Variants in VPS13C observed in about 807,000 individuals in gnomAD.
VPS13C encodes vacuolar protein sorting 13 homolog C.
In VPS13C, 358 loss-of-function variants were observed where a neutral mutation model predicts 456.8. That is an observed-to-expected ratio of 0.78 (90% confidence interval 0.72 to 0.86). The LOEUF is 0.86. Among genes scored for constraint, VPS13C ranks in the 40% least tolerant of loss-of-function variants. VPS13C has a pLI of 0.00. For missense variants in VPS13C, 4,818 were observed against 4,385.4 expected, an observed-to-expected ratio of 1.10 and a Z score of -2.79; for synonymous variants, 1,578 against 1,486.7, an observed-to-expected ratio of 1.06 and a Z score of -1.41.
At chr15:61,964,560 G>A (rs2045320392) in intron 31 of VPS13C, 139 bp downstream of exon 31, 3 of 777,298 alleles carry the variant, frequency 3.9e-6, no homozygotes, top group Non-Finnish European at 5.9e-6. Flanking sequence ...TATACATCAG[G>A]TGCTCGCATA....
intron 66 of VPS13C, 37 bp downstream of exon 66, chr15:61,907,227 G>A: frequency 6.2e-7 from 1 of 1,612,400 alleles, no homozygotes; most frequent in Admixed American, 1.7e-5. Flanking sequence ...TTCACTGTCA[G>A]GTAACTCATA....
intron 62 of VPS13C, among the ~76,000 whole-genome samples, chr15:61,912,357 A>G (rs1185595964): frequency 6.6e-6 from 1 of 152,186 alleles, no homozygotes; most frequent in East Asian, 1.9e-4. Context: ...AAAATTTTGA[A>G]GTAGTAATAA....
chr15:61,872,118 A>C (rs1237052682), intron 78 of VPS13C, 84 bp from the exon 79 acceptor site: 1 of 1,073,576 alleles, frequency 9.3e-7, no homozygotes, highest in African/African-American at 1.6e-5. Context: ...CTACAGACAT[A>C]CTGGAAATAA....
At chr15:61,918,038 T>C (rs2043528451) in intron 59 of VPS13C, 98 bp downstream of exon 59, 1 of 1,283,138 alleles carries the variant, frequency 7.8e-7, no homozygotes, top group South Asian at 1.6e-5. Context: ...AAACTGGCTT[T>C]TACTGATCTT....
intron 47 of VPS13C, among the ~76,000 whole-genome samples, chr15:61,937,467 G>GTTTAT (rs1046374591): frequency 6.6e-6 from 1 of 151,982 alleles, no homozygotes; most frequent in African/African-American, 2.4e-5. Flanking sequence ...CTTAACTCAA[G>GTTTAT]TTTCTTTTCT....
At chr15:62,019,584 T>C (rs2140558749) in intron 9 of VPS13C, among the ~76,000 whole-genome samples, 1 of 152,286 alleles carries the variant, frequency 6.6e-6, no homozygotes, top group East Asian at 1.9e-4. Flanking sequence ...TCAGTTTCCA[T>C]GTAGTTGAGT....
At chr15:62,041,697 G>A (rs1428095735) in intron 2 of VPS13C, among the ~76,000 whole-genome samples, 7 of 152,018 alleles carry the variant, frequency 4.6e-5, no homozygotes, top group African/African-American at 1.7e-4. Context: ...GCAGGTGCCT[G>A]TAATCCTAGC....
chr15:61,910,441 C>A, intron 63 of VPS13C, 136 bp from the exon 64 acceptor site: 4 of 537,614 alleles, frequency 7.4e-6, no homozygotes, highest in Non-Finnish European at 1.1e-5. Context: ...ATGTCCTCTA[C>A]ATCTCATAGT....
Position 61,884,123 on chromosome 15 carries a change from T to C in VPS13C, c.9483+5A>G. ...AAAAATCAAAACAAAAGAATTTTGG[T>C]ATACCTCAAAATTATTATCTAGCTT... On this transcript the variant is annotated splice_donor_5th_base_variant and intron_variant, in intron 68 of 84. Coordinates refer to ENST00000644861, the MANE Select transcript of VPS13C (RefSeq NM_020821.3). 1 of 1,569,958 alleles carries C rather than the reference T, an allele frequency of 6.4e-7. No homozygotes were observed. Among genetic ancestry groups the C allele is most frequent in the Non-Finnish European group, 8.6e-7 (1 of 1,166,652 alleles).
chr15:61,884,429 A>C (rs1201326227), intron 67 of VPS13C, among the ~76,000 whole-genome samples, 160 bp from the exon 68 acceptor site: 1 of 152,144 alleles, frequency 6.6e-6, no homozygotes, highest in Admixed American at 6.6e-5. Flanking sequence ...GCAAGAGTAC[A>C]AAAAGAAAAG....
intron 45 of VPS13C, among the ~76,000 whole-genome samples, chr15:61,945,076 G>T (rs922435524): frequency 1.3e-5 from 2 of 152,130 alleles, no homozygotes; most frequent in African/African-American, 4.8e-5. Context: ...GGTTTTATAA[G>T]AGGCTCTTCA....
chr15:62,003,550 C>A (rs2046715444), intron 15 of VPS13C, among the ~76,000 whole-genome samples: 1 of 152,094 alleles, frequency 6.6e-6, no homozygotes, highest in African/African-American at 2.4e-5. Context: ...GAACTTCCAA[C>A]ACTATGTGGA....
intron 1 of VPS13C, among the ~76,000 whole-genome samples, chr15:62,045,507 A>G (rs897323931): frequency 7.4e-4 from 113 of 152,244 alleles, no homozygotes; most frequent in African/African-American, 2.6e-3. Flanking sequence ...TAGAAAGCAC[A>G]TATGGTTTGG....
Position 61,868,643 on chromosome 15 carries a change from G to A in VPS13C, c.10863+16C>T, listed in dbSNP as rs751390823. On this transcript the variant is annotated intron_variant, in intron 81 of 84. Transcript: ENST00000644861. ...AAAATTCCATTTCACTCGTGACCAT[G>A]AAGAACAAAATTTACCTCAAGTAAG... is the stretch of plus-strand genomic sequence containing the variant. The A allele has an allele frequency of 3.2e-5, 51 of 1,609,172 alleles. No homozygotes were observed. The highest frequency in any genetic ancestry group is 4.2e-5 in the Non-Finnish European group (49 of 1,175,820).
chr15:61,915,990 G>A lies in VPS13C; in HGVS notation c.8088C>T (p.Gly2696=), dbSNP rs2043460070. Residue 2696 remains glycine (G), a synonymous_variant, in exon 61 of 85, where the codon GGC becomes GGT. Coordinates refer to ENST00000644861, the MANE Select transcript of VPS13C (RefSeq NM_020821.3). ...TCGAATGCAGAACATCAGCAGTACT[G>A]CCTTCTGCCAGCTCATGAGTTTCTG... ...GTAETHELAE[G]STADVLHSRI... is the part of the protein sequence containing the mutation. The A allele has an allele frequency of 6.3e-7, 1 of 1,596,936 alleles. No homozygotes were observed. The highest frequency in any genetic ancestry group is 8.6e-7 in the Non-Finnish European group (1 of 1,167,310).
chr15:61,873,059 CAG>C (rs1895151165), intron 78 of VPS13C, among the ~76,000 whole-genome samples, 185 bp downstream of exon 78: 1 of 151,982 alleles, frequency 6.6e-6, no homozygotes, highest in Non-Finnish European at 1.5e-5. Context: ...TCTGACAATT[CAG>C]GGGATAGATC....
At chr15:61,974,788 A>C (rs1043044150) in intron 24 of VPS13C, among the ~76,000 whole-genome samples, 1 of 152,066 alleles carries the variant, frequency 6.6e-6, no homozygotes, top group Non-Finnish European at 1.5e-5. Context: ...GCCTTGCTTT[A>C]TTTCTTTCTA....
At chr15:61,939,958 C>A (rs907193683) in intron 47 of VPS13C, among the ~76,000 whole-genome samples, 3 of 150,706 alleles carry the variant, frequency 2.0e-5, no homozygotes, top group Admixed American at 1.3e-4. Flanking sequence ...CATGCCACTG[C>A]ACTCCAGCCT....
intron 1 of VPS13C, among the ~76,000 whole-genome samples, chr15:62,055,974 CA>C (rs752589921): frequency 3.8e-4 from 58 of 152,282 alleles, no homozygotes; most frequent in Admixed American, 1.4e-3. Flanking sequence ...ATGCCAATAG[CA>C]CACCTCTTCC....
Sources: allele counts gnomAD v4.1 joint callset (sites outside exome capture counted in the v4.1 genomes callset), GRCh38; gene constraint gnomAD v4.1.1; transcripts MANE v1.5; gene names NCBI Gene and HGNC (gene_info 2026-07-23, HGNC 2026-07-21).